Variants in ADGRG2 observed in about 807,000 individuals in gnomAD.
ADGRG2 encodes adhesion G protein-coupled receptor G2.
Under a neutral mutation model 74.1 loss-of-function variants are expected in ADGRG2, and 26 were observed. That is an observed-to-expected ratio of 0.35 (90% CI 0.26 to 0.49). ADGRG2 has a LOEUF of 0.49. Ranked by LOEUF, ADGRG2 falls within the 20% of genes least tolerant of loss-of-function variation. The probability of loss-of-function intolerance (pLI) is 0.99; values close to 1 mark genes in which losing one functional copy is unlikely to be tolerated. For synonymous variants in ADGRG2, 296 were observed against 295.2 expected (o/e 1.00, Z -0.03); for missense variants, 619 against 763.1 (o/e 0.81, Z 2.22).
At chrX:19,066,445 CTTTTTTTTTTTTTT>C (rs1225489257) in intron 3 of ADGRG2, among the ~76,000 whole-genome samples, 6 of 39,943 alleles carry the variant, frequency 1.5e-4, no homozygotes, top group Admixed American at 3.4e-4. Context: ...GAGGATGCTT[CTTTTTTTTTTTTTT>C]TTTTTTTTTT....
chrX:19,118,195 T>C (rs889843733), intron 1 of ADGRG2, among the ~76,000 whole-genome samples: 1 of 111,851 alleles, frequency 8.9e-6, no homozygotes, highest in Non-Finnish European at 1.9e-5. Flanking sequence ...CCCTATATTA[T>C]TGCCATTTGC....
At chrX:19,003,835 T>C (rs966301202) in intron 23 of ADGRG2, among the ~76,000 whole-genome samples, 2 of 112,260 alleles carry the variant, frequency 1.8e-5, no homozygotes, top group Non-Finnish European at 3.8e-5. Context: ...TCCCATATTA[T>C]TGTATGTTAT....
chrX:19,091,492 T>TCA (rs57540002), intron 1 of ADGRG2, among the ~76,000 whole-genome samples: 3,041 of 82,572 alleles, frequency 0.037, 61 homozygotes, highest in African/African-American at 0.052. Flanking sequence ...AGATTTTATG[T>TCA]CACACACACA....
At chrX:19,072,320 G>T (rs1211745625) in intron 2 of ADGRG2, among the ~76,000 whole-genome samples, 2 of 111,119 alleles carry the variant, frequency 1.8e-5, no homozygotes, top group Non-Finnish European at 3.8e-5. Flanking sequence ...TCAGCTATTT[G>T]GCAGAACCCT....
At chrX:19,036,737 A>G (rs1267906935) in intron 6 of ADGRG2, among the ~76,000 whole-genome samples, 1 of 111,468 alleles carries the variant, frequency 9.0e-6, no homozygotes, top group Non-Finnish European at 1.9e-5. Flanking sequence ...AAATGATAAC[A>G]TCTGTCCCTT....
At chrX:19,120,031 T>C (rs773067753) in intron 1 of ADGRG2, among the ~76,000 whole-genome samples, 2 of 112,231 alleles carry the variant, frequency 1.8e-5, no homozygotes, top group Non-Finnish European at 3.8e-5. Flanking sequence ...GACAAAATAC[T>C]GATGCTGGCC....
intron 1 of ADGRG2, among the ~76,000 whole-genome samples, chrX:19,107,615 A>AG (rs2147060868): frequency 1.0e-5 from 1 of 99,661 alleles, no homozygotes; most frequent in East Asian, 3.2e-4. Flanking sequence ...CACATTCAGC[A>AG]GTTCCAGGAG....
At chrX:18,997,516 T>A (rs1474197722) in intron 26 of ADGRG2, among the ~76,000 whole-genome samples, 1 of 112,439 alleles carries the variant, frequency 8.9e-6, no homozygotes, top group Non-Finnish European at 1.9e-5. Context: ...ATTGCCGTGG[T>A]TGGCAAATAA....
chrX:19,023,342 A>C, intron 13 of ADGRG2, 74 bp downstream of exon 13: 2 of 604,390 alleles, frequency 3.3e-6, no homozygotes, highest in South Asian at 3.2e-5. Context: ...TTTGCAATTT[A>C]ACTAAGACTC....
chrX:19,013,536 C>G, intron 16 of ADGRG2, 150 bp downstream of exon 16: 1 of 447,774 alleles, frequency 2.2e-6, no homozygotes, highest in Non-Finnish European at 3.7e-6. Context: ...AACACAATGA[C>G]TCTTATGCAA....
At chrX:19,122,080 C>A (rs903380792) in intron 1 of ADGRG2, among the ~76,000 whole-genome samples, 18 of 112,525 alleles carry the variant, frequency 1.6e-4, no homozygotes, top group Admixed American at 1.6e-3. Flanking sequence ...GCGTCTAGCA[C>A]ACCACCCGCG....
At chrX:19,027,381 C>T in intron 10 of ADGRG2, 107 bp from the exon 11 acceptor site, 3 of 535,708 alleles carry the variant, frequency 5.6e-6, no homozygotes, top group Non-Finnish European at 6.6e-6. Flanking sequence ...AATAACTATA[C>T]CCCAAAGACT....
intron 1 of ADGRG2, among the ~76,000 whole-genome samples, chrX:19,099,573 T>C (rs1431098649): frequency 8.9e-6 from 1 of 112,262 alleles, no homozygotes; most frequent in Non-Finnish European, 1.9e-5. Flanking sequence ...CAAAGGTAAG[T>C]GGCAGAACAA....
At chrX:19,055,730 ATT>A (rs780575905) in intron 3 of ADGRG2, among the ~76,000 whole-genome samples, 11 of 94,782 alleles carry the variant, frequency 1.2e-4, no homozygotes, top group Non-Finnish European at 1.1e-4. Context: ...CAGGTGGGAG[ATT>A]TTTTTTTTTT....
chrX:19,005,910 C>T (rs906852241), intron 22 of ADGRG2, 92 bp downstream of exon 22: 11 of 561,927 alleles, frequency 2.0e-5, no homozygotes, highest in East Asian at 3.3e-5. Context: ...TGATCTGTCA[C>T]GGTTATCCAT....
intron 3 of ADGRG2, among the ~76,000 whole-genome samples, chrX:19,067,623 A>G (rs1223755529): frequency 8.9e-6 from 1 of 112,473 alleles, no homozygotes; most frequent in Non-Finnish European, 1.9e-5. Context: ...CATAGACAAC[A>G]AAAGTAAAAA....
At chrX:19,104,840 C>T (rs2062252592) in intron 1 of ADGRG2, among the ~76,000 whole-genome samples, 1 of 103,160 alleles carries the variant, frequency 9.7e-6, no homozygotes, top group African/African-American at 3.6e-5. Context: ...TCGCTTGAAC[C>T]CGAGAGGTGG....
At chrX:19,106,819 C>T (rs1223087564) in intron 1 of ADGRG2, among the ~76,000 whole-genome samples, 3 of 109,543 alleles carry the variant, frequency 2.7e-5, no homozygotes, top group Non-Finnish European at 1.9e-5. Context: ...ACTCGGGAGG[C>T]TGAGGCATGA....
intron 3 of ADGRG2, among the ~76,000 whole-genome samples, chrX:19,060,995 A>G (rs1360817526): frequency 1.8e-5 from 2 of 112,087 alleles, no homozygotes; most frequent in Admixed American, 9.4e-5. Flanking sequence ...AGGACAATGA[A>G]TGAAGAATCT....
Sources: gnomAD v4.1 joint callset for allele counts (sites outside exome capture counted in the v4.1 genomes callset) on GRCh38, gnomAD v4.1.1 for gene constraint, MANE v1.5 for transcripts, NCBI Gene and HGNC (gene_info 2026-07-23, HGNC 2026-07-21) for gene names.